AJAP1: variants seen among roughly 807,000 people sequenced by gnomAD.
AJAP1 encodes adherens junction-associated protein 1.
AJAP1 carries 5 observed loss-of-function variants against 35.0 expected under a neutral mutation model. That is an observed-to-expected ratio of 0.14 (90% CI 0.07 to 0.30). The LOEUF (loss-of-function observed/expected upper bound fraction) is 0.30. Among genes scored for constraint, AJAP1 ranks in the 10% least tolerant of loss-of-function variants. AJAP1 has a pLI of 1.00. For synonymous variants in AJAP1, 284 were observed against 249.3 expected, an observed-to-expected ratio of 1.14 and a Z score of -1.31; for missense variants, 586 against 571.0, an observed-to-expected ratio of 1.03 and a Z score of -0.27.
intron 2 of AJAP1, among the ~76,000 whole-genome samples, chr1:4,754,717 G>T (rs1557640891): frequency 1.3e-5 from 2 of 152,212 alleles, no homozygotes; most frequent in African/African-American, 4.8e-5. Context: ...GCTTTGAAAG[G>T]CCTTCTTGGA....
chr1:4,774,563 G>A lies in AJAP1; in HGVS notation c.*59+5G>A, dbSNP rs1641905675. 6.0e-6 allele frequency: 9 copies of A among 1,499,578 alleles called. No individual in the cohort carries two copies. The highest frequency in any genetic ancestry group is 2.8e-5 in the African/African-American group (2 of 72,476). The allele number at this position is 1,499,578 out of a possible 1,614,324, so 92.9% of individuals were successfully genotyped here. ...ACGCCGTGTGTCTGTTTCACGGTAG[G>A]TACCTCTCTTTGGACATTCCTGTTT... On this transcript the variant is annotated splice_donor_5th_base_variant and intron_variant, in intron 5 of 5. Coordinates refer to ENST00000378191, the MANE Select transcript of AJAP1 (RefSeq NM_018836.4).
At chr1:4,769,525 A>C (rs531513429) in intron 2 of AJAP1, among the ~76,000 whole-genome samples, 1 of 152,270 alleles carries the variant, frequency 6.6e-6, no homozygotes, top group South Asian at 2.1e-4. Context: ...TAGAGGAGGC[A>C]GGTGAAGGGC....
At chr1:4,664,880 T>G (rs1402166642) in intron 1 of AJAP1, among the ~76,000 whole-genome samples, 1 of 152,096 alleles carries the variant, frequency 6.6e-6, no homozygotes, top group Non-Finnish European at 1.5e-5. Flanking sequence ...CCGGTAGACT[T>G]CCTAGGCATG....
intron 2 of AJAP1, among the ~76,000 whole-genome samples, chr1:4,713,780 C>T (rs182671698): frequency 2.6e-5 from 4 of 152,378 alleles, no homozygotes; most frequent in East Asian, 1.9e-4. Context: ...GATTTTAGGG[C>T]GTCAGTACAA....
At chr1:4,740,650 G>T (rs1438520404) in intron 2 of AJAP1, among the ~76,000 whole-genome samples, 1 of 151,640 alleles carries the variant, frequency 6.6e-6, no homozygotes, top group Non-Finnish European at 1.5e-5. Flanking sequence ...GCCGGGTGTG[G>T]TGGCGGGCGC....
At chr1:4,710,317 T>G (rs1640201308) in intron 1 of AJAP1, among the ~76,000 whole-genome samples, 1 of 152,028 alleles carries the variant, frequency 6.6e-6, no homozygotes, top group Non-Finnish European at 1.5e-5. Flanking sequence ...ACAGACACCC[T>G]GGCCCTCACT....
rs1642241126 is a variant in AJAP1, at chr1:4,791,045, G to A, written c.*8560G>A. 1 of 149,788 alleles carries A rather than the reference G, an allele frequency of 6.7e-6. No homozygotes were observed. The highest frequency in any genetic ancestry group is 6.6e-5 in the Admixed American group (1 of 15,138). 9.3% of individuals were successfully genotyped at this position (149,788 alleles called of 1,614,324 possible). ...AGGATGGCAGGTGCTGGAGCCCAGA[G>A]AGGGGGTCACCCTCCAGCTAAAATG... On this transcript the variant is annotated 3_prime_UTR_variant, in exon 6 of 6. Transcript: ENST00000378191.
intron 3 of AJAP1, among the ~76,000 whole-genome samples, chr1:4,771,544 G>C (rs1326842754): frequency 6.6e-6 from 1 of 152,166 alleles, no homozygotes. Context: ...TGTCCTTCCT[G>C]TGCTCTCATC....
intron 2 of AJAP1, among the ~76,000 whole-genome samples, chr1:4,727,023 G>A (rs566008417): frequency 9.2e-5 from 14 of 152,324 alleles, no homozygotes; most frequent in Middle Eastern, 3.4e-3. Context: ...GCCCCCCGGC[G>A]TGGGCCACCC....
chr1:4,775,691 C>T (rs893750074), intron 5 of AJAP1, among the ~76,000 whole-genome samples: 8 of 152,202 alleles, frequency 5.3e-5, no homozygotes, highest in Non-Finnish European at 8.8e-5. Context: ...CTCCCTACCC[C>T]GAAGCCAACA....
chr1:4,789,659 A>G lies in AJAP1; in HGVS notation c.*7174A>G, dbSNP rs1323081718. On this transcript the variant is annotated 3_prime_UTR_variant, in exon 6 of 6. Coordinates refer to ENST00000378191, the MANE Select transcript of AJAP1 (RefSeq NM_018836.4). The surrounding 1 kb of genome is among the most constrained non-coding windows in gnomAD (Gnocchi z 4.4). ...AAAATTTCTTAGTGTTGATGTTGAT[A>G]GCTTCTGGGTTGGCAAACTGGCAGT... 6.6e-6 allele frequency: 1 copy of G among 152,192 alleles called. No individual in the cohort carries two copies. Among genetic ancestry groups the G allele is most frequent in the African/African-American group, 2.4e-5 (1 of 41,434 alleles). The allele number at this position is 152,192 out of a possible 1,614,324, so 9.4% of individuals were successfully genotyped here.
rs1157004227 is a variant in AJAP1 at position 4,654,859 on chromosome 1, GATC to G, written c.-566_-564del. 4 of 150,710 alleles carry G rather than the reference GATC, an allele frequency of 2.7e-5. No individual in the cohort carries two copies. Among genetic ancestry groups the G allele is most frequent in the African/African-American group, 4.8e-5 (2 of 41,304 alleles). 9.3% of individuals were successfully genotyped at this position (150,710 alleles called of 1,614,324 possible). A position where few individuals can be genotyped will look rare whatever the true frequency, so the allele number is the denominator to read the frequency against. ...GCCCCCGGGCAACTTGAGTGGCGCC[GATC>G]GGCGGCGGAGCCTCTGGCAGAGCCC... On this transcript the variant is annotated 5_prime_UTR_variant, in exon 1 of 6. Transcript: ENST00000378191. This position sits in a 1 kb window ranked among gnomAD's most constrained non-coding sequence, Gnocchi z 5.1.
In AJAP1 at chr1:4,783,471, GTATATATATATATATATA is replaced by G. The variant is rs70957905; in HGVS notation, c.*1008_*1025del. ...ATGCCAAGGTTTTATATATGTGTGT[GTATATATATATATATATA>G]TATATATATATATATATATATGTTT... On this transcript the variant is annotated 3_prime_UTR_variant, in exon 6 of 6. Coordinates refer to ENST00000378191, the MANE Select transcript of AJAP1 (RefSeq NM_018836.4). The G allele has an allele frequency of 1.7e-5, 1 of 57,810 alleles. No homozygotes were observed. Among genetic ancestry groups the G allele is most frequent in the Admixed American group, 1.8e-4 (1 of 5,526 alleles). The allele number at this position is 57,810 out of a possible 1,614,324, so 3.6% of individuals were successfully genotyped here.
chr1:4,712,796 T>C lies in AJAP1; in HGVS notation c.829+97T>C, dbSNP rs1640295350. ...TTAGATGTCCCTGGGTGATGCTATG[T>C]GTGGAGGCTCCAGGAGATGCAGGCG... On this transcript the variant is annotated intron_variant, in intron 2 of 5. Transcript: ENST00000378191. 2.3e-6 allele frequency: 3 copies of C among 1,305,924 alleles called. No individual in the cohort carries two copies. The East Asian group carries it at 7.4e-5, about 32-fold the overall frequency. 80.9% of individuals were successfully genotyped at this position (1,305,924 alleles called of 1,614,324 possible).
rs1464462517 is a variant in AJAP1 at position 4,772,539 on chromosome 1, C to G, written c.1163+14C>G. 1 of 1,611,054 alleles carries G rather than the reference C, an allele frequency of 6.2e-7. No individual in the cohort carries two copies. Among genetic ancestry groups the G allele is most frequent in the South Asian group, 1.1e-5 (1 of 90,922 alleles). On this transcript the variant is annotated intron_variant, in intron 4 of 5. Coordinates refer to ENST00000378191, the MANE Select transcript of AJAP1 (RefSeq NM_018836.4). ...TAATGGAAACCGGTAAGCTCGGGCT[C>G]TGCTAGACCCTGCAGCTGTGAAGCT...
intron 2 of AJAP1, among the ~76,000 whole-genome samples, chr1:4,717,740 C>T (rs1324700937): frequency 6.6e-6 from 1 of 152,178 alleles, no homozygotes; most frequent in Non-Finnish European, 1.5e-5. Flanking sequence ...AGCCAGCCAA[C>T]CTCAGGAGCA....
intron 1 of AJAP1, among the ~76,000 whole-genome samples, chr1:4,667,332 C>T (rs955322099): frequency 2.6e-5 from 4 of 152,194 alleles, no homozygotes; most frequent in African/African-American, 9.6e-5. Context: ...TCTCTTGCTG[C>T]TTCTCCACCC....
chr1:4,727,815 G>A (rs1242496449), intron 2 of AJAP1, among the ~76,000 whole-genome samples: 1 of 152,230 alleles, frequency 6.6e-6, no homozygotes, highest in Non-Finnish European at 1.5e-5. Context: ...TGTCCAGGAA[G>A]TGAGGGCGGC....
rs368688752 is a variant in AJAP1, at chr1:4,660,101, C to T, written c.29+4647C>T. Among the ~76,000 whole-genome samples, 222 of 152,358 alleles carry T rather than the reference C, an allele frequency of 1.5e-3. 1 individual carries two copies. Among genetic ancestry groups the T allele is most frequent in the East Asian group, 0.013 (69 of 5,188 alleles). On this transcript the variant is annotated intron_variant, in intron 1 of 5. Coordinates refer to ENST00000378191, the MANE Select transcript of AJAP1 (RefSeq NM_018836.4). The stretch of plus-strand genomic sequence containing the variant: ...TGTCACACTGCCGGACCGGTAACAC[C>T]ACCACACCACCAGAGCTGGAACACC...
Sources: gnomAD v4.1 joint callset for allele counts (sites outside exome capture counted in the v4.1 genomes callset) on GRCh38, gnomAD v4.1.1 for gene constraint, Gnocchi (gnomAD v3.1) non-coding constraint, MANE v1.5 for transcripts, NCBI Gene and HGNC (gene_info 2026-07-23, HGNC 2026-07-21) for gene names.